The following INPP4B variants were observed in gnomAD, a reference collection of about 807,000 sequenced individuals.
INPP4B encodes inositol polyphosphate-4-phosphatase type II B, also known as inositol polyphosphate 4-phosphatase type II.
In INPP4B, 55 loss-of-function variants were observed where a neutral mutation model predicts 122.5. The observed-to-expected ratio is 0.45, with a 90% CI of 0.36 to 0.56. INPP4B has a LOEUF of 0.56. Ranked by LOEUF, INPP4B falls within the 20% of genes least tolerant of loss-of-function variation. The pLI is 0.00. For synonymous variants in INPP4B, 403 were observed against 388.7 expected (o/e 1.04, Z -0.43); for missense variants, 1,000 against 1,097.7 (o/e 0.91, Z 1.26).
intron 2 of INPP4B, among the ~76,000 whole-genome samples, chr4:142,599,235 G>A (rs1003584614): frequency 1.3e-5 from 2 of 152,036 alleles, no homozygotes; most frequent in African/African-American, 4.8e-5. Flanking sequence ...GGTAAGCTCA[G>A]CATCAGTCTG....
chr4:142,271,185 C>G (rs1355078664), intron 9 of INPP4B, among the ~76,000 whole-genome samples: 2 of 152,100 alleles, frequency 1.3e-5, no homozygotes, highest in Non-Finnish European at 2.9e-5. Flanking sequence ...TCAGGTGATC[C>G]ACCCGCCTAG....
chr4:142,571,234 A>T (rs1338179944), intron 2 of INPP4B, among the ~76,000 whole-genome samples: 2 of 152,062 alleles, frequency 1.3e-5, no homozygotes, highest in Non-Finnish European at 2.9e-5. Context: ...ACTCATTTTT[A>T]ATCTGGATCC....
intron 3 of INPP4B, among the ~76,000 whole-genome samples, chr4:142,447,110 G>A (rs1479785478): frequency 6.6e-6 from 1 of 152,198 alleles, no homozygotes; most frequent in African/African-American, 2.4e-5. Flanking sequence ...TTCTGAAGCA[G>A]TGCGGTAGGA....
At chr4:142,181,385 A>T (rs111964253) in intron 15 of INPP4B, among the ~76,000 whole-genome samples, 1 of 151,866 alleles carries the variant, frequency 6.6e-6, no homozygotes, top group Admixed American at 6.6e-5. Context: ...TTTACAACTA[A>T]AAAAAAAGGA....
At chr4:142,622,578 A>G (rs1745199771) in intron 2 of INPP4B, among the ~76,000 whole-genome samples, 1 of 151,978 alleles carries the variant, frequency 6.6e-6, no homozygotes, top group Admixed American at 6.6e-5. Context: ...GGAGAAAAAA[A>G]TATCATGCGG....
At chr4:142,751,033 C>T (rs1383031005) in intron 1 of INPP4B, among the ~76,000 whole-genome samples, 2 of 151,798 alleles carry the variant, frequency 1.3e-5, no homozygotes, top group African/African-American at 4.8e-5. Context: ...TGTAGAAAGA[C>T]CTAAGTACAC....
intron 1 of INPP4B, among the ~76,000 whole-genome samples, chr4:142,768,419 G>T (rs1329693551): frequency 6.6e-6 from 1 of 152,128 alleles, no homozygotes; most frequent in Non-Finnish European, 1.5e-5. Flanking sequence ...AACACACTCT[G>T]CCCAGAGGTC....
At chr4:142,554,301 C>T (rs1728655728) in intron 2 of INPP4B, among the ~76,000 whole-genome samples, 1 of 149,694 alleles carries the variant, frequency 6.7e-6, no homozygotes, top group African/African-American at 2.5e-5. Context: ...CTTCAAATTG[C>T]CCACCTTTCC....
chr4:142,121,603 G>A (rs900345405), intron 21 of INPP4B, among the ~76,000 whole-genome samples: 10 of 151,978 alleles, frequency 6.6e-5, no homozygotes, highest in Non-Finnish European at 1.0e-4. Flanking sequence ...ATCATACACT[G>A]ACCTTCGAAG....
chr4:142,125,894 G>A (rs1378611332), intron 18 of INPP4B, among the ~76,000 whole-genome samples: 1 of 152,092 alleles, frequency 6.6e-6, no homozygotes, highest in Non-Finnish European at 1.5e-5. Context: ...AATGAGAAAA[G>A]TTACAATAAA....
intron 3 of INPP4B, among the ~76,000 whole-genome samples, chr4:142,455,975 AT>A (rs952343144): frequency 6.6e-6 from 1 of 151,606 alleles, no homozygotes; most frequent in African/African-American, 2.4e-5. Flanking sequence ...CTATTCAAAT[AT>A]TTTGCCCATT....
intron 1 of INPP4B, among the ~76,000 whole-genome samples, chr4:142,733,028 A>G (rs1222480516): frequency 6.6e-6 from 1 of 152,182 alleles, no homozygotes; most frequent in Non-Finnish European, 1.5e-5. Flanking sequence ...ACAACAAATT[A>G]CACAAGTAAA....
In INPP4B at chr4:142,833,056, GT is replaced by G. The variant is rs770307066; in HGVS notation, c.-254+13152del. Among the ~76,000 whole-genome samples, 447 of 148,776 alleles carry G rather than the reference GT, an allele frequency of 3.0e-3. 3 individuals are homozygous for G. Among genetic ancestry groups the G allele is most frequent in the African/African-American group, 0.01 (410 of 40,664 alleles). The stretch of plus-strand genomic sequence containing the variant: ...TTCTTGTTTGGAAGGTTTTTTTCTA[GT>G]TTTTTTTTTCTAGTTTGGAAGACTC... On this transcript the variant is annotated intron_variant, in intron 1 of 25. Transcript: ENST00000262992.
chr4:142,430,432 T>A (rs986144114), intron 4 of INPP4B, among the ~76,000 whole-genome samples: 8 of 152,104 alleles, frequency 5.3e-5, no homozygotes, highest in African/African-American at 1.9e-4. Context: ...ATTAGCTTTA[T>A]AATGTAAATT....
At chr4:142,199,196 C>T (rs1027299267) in intron 14 of INPP4B, among the ~76,000 whole-genome samples, 8 of 151,616 alleles carry the variant, frequency 5.3e-5, no homozygotes, top group African/African-American at 1.9e-4. Context: ...TCAACAATGT[C>T]GATAAAAAAA....
intron 8 of INPP4B, among the ~76,000 whole-genome samples, chr4:142,311,624 T>C (rs1194269343): frequency 1.3e-5 from 2 of 152,148 alleles, no homozygotes; most frequent in African/African-American, 2.4e-5. Context: ...ACATGACTGA[T>C]TGCCTATCTA....
At chr4:142,261,910 T>C (rs1740224790) in intron 10 of INPP4B, among the ~76,000 whole-genome samples, 1 of 152,214 alleles carries the variant, frequency 6.6e-6, no homozygotes, top group African/African-American at 2.4e-5. Context: ...ATTGAGGTCC[T>C]AGTTGACTGA....
chr4:142,092,120 TC>T (rs1561088769), intron 23 of INPP4B, among the ~76,000 whole-genome samples: 1 of 152,194 alleles, frequency 6.6e-6, no homozygotes, highest in Non-Finnish European at 1.5e-5. Context: ...CCTGTGCTGT[TC>T]CAGCTGAGTG....
intron 2 of INPP4B, among the ~76,000 whole-genome samples, chr4:142,666,558 A>G (rs944583552): frequency 2.0e-5 from 3 of 152,152 alleles, no homozygotes; most frequent in Non-Finnish European, 2.9e-5. Flanking sequence ...ATATCAAGCA[A>G]AAAAGAACCC....
Sources: allele counts gnomAD v4.1 joint callset (sites outside exome capture counted in the v4.1 genomes callset), GRCh38; gene constraint gnomAD v4.1.1; transcripts MANE v1.5; gene names NCBI Gene and HGNC (gene_info 2026-07-23, HGNC 2026-07-21).